DOK7: variants seen among roughly 807,000 people sequenced by gnomAD.
DOK7 encodes protein Dok-7.
In DOK7, 32 loss-of-function variants were observed where a neutral mutation model predicts 30.7. That is an observed-to-expected ratio of 1.04 (90% CI 0.79 to 1.40). DOK7 has a LOEUF of 1.40. DOK7 is among the 40% of genes most tolerant of loss of function. The pLI is 0.00. For synonymous variants in DOK7, 447 were observed against 324.1 expected, an observed-to-expected ratio of 1.38 and a Z score of -4.07; for missense variants, 1,007 against 699.2, an observed-to-expected ratio of 1.44 and a Z score of -4.97.
At chr4:3,476,852 G>A (rs946619421) in intron 4 of DOK7, among the ~76,000 whole-genome samples, 1 of 152,242 alleles carries the variant, frequency 6.6e-6, no homozygotes, top group African/African-American at 2.4e-5. Flanking sequence ...AGATTTCATG[G>A]AAAGGAAAAA....
chr4:3,500,679 AG>A (rs1440022650), intron 7 of DOK7: 1 of 1,535,824 alleles, frequency 6.5e-7, no homozygotes, highest in South Asian at 1.2e-5. Flanking sequence ...CGCTCACTAC[AG>A]AATTCTTTCA....
chr4:3,466,728 G>A (rs1024556798), intron 2 of DOK7, among the ~76,000 whole-genome samples: 76 of 152,286 alleles, frequency 5.0e-4, no homozygotes, highest in African/African-American at 1.8e-3. Context: ...CTGCGTCCTC[G>A]TCTACTCACA....
downstream of DOK7, chr4:3,496,926 A>G (rs1264211127): frequency 1.2e-6 from 1 of 801,288 alleles, no homozygotes; most frequent in African/African-American, 2.5e-5. Context: ...GGGTGGGCGC[A>G]GATGGCAGCC....
intron 4 of DOK7, among the ~76,000 whole-genome samples, chr4:3,477,988 A>G (rs936767931): frequency 6.6e-6 from 1 of 152,128 alleles, no homozygotes; most frequent in Non-Finnish European, 1.5e-5. Flanking sequence ...GGGTGGGCCC[A>G]GCGTCCCTGT....
chr4:3,499,672 A>AG (rs143200442), intron 6 of DOK7, among the ~76,000 whole-genome samples: 5 of 140,284 alleles, frequency 3.6e-5, no homozygotes, highest in African/African-American at 5.4e-5. Context: ...AGCTCCTATG[A>AG]GGGGGGAGAG....
At chr4:3,469,498 G>A (rs978661494) in intron 2 of DOK7, among the ~76,000 whole-genome samples, 8 of 152,166 alleles carry the variant, frequency 5.3e-5, no homozygotes, top group Non-Finnish European at 8.8e-5. Context: ...GAGCAGGGCC[G>A]ATGGTGCTTC....
chr4:3,474,407 C>T (rs563710820), intron 3 of DOK7, among the ~76,000 whole-genome samples: 246 of 152,266 alleles, frequency 1.6e-3, no homozygotes, highest in Non-Finnish European at 2.9e-3. Context: ...AGGCTGGGCA[C>T]GGTGGCTCAT....
At chr4:3,485,222 C>G (rs1727689868) in intron 4 of DOK7, 1 of 291,728 alleles carries the variant, frequency 3.4e-6, no homozygotes, top group Non-Finnish European at 6.3e-6. Flanking sequence ...TCCCCATGCC[C>G]TGTCGGCTGC....
At position 3,492,818 on chromosome 4, in the gene DOK7, AG is replaced by A; in HGVS notation, c.833del (p.Ser278ThrfsTer178). ...SEASHLDVSA[S>X]SRLTAWPEQS... The stretch of plus-strand genomic sequence containing the variant: ...GGCCAGTCACTTGGACGTCAGCGCC[AG>A]CAGCCGGCTCACCGCATGGCCAGAG... On this transcript the variant is annotated frameshift_variant, in exon 7 of 7. Coordinates refer to ENST00000340083, the MANE Select transcript of DOK7 (RefSeq NM_173660.5). LOFTEE classifies it low-confidence loss of function (END_TRUNC). The A allele has an allele frequency of 6.2e-7, 1 of 1,612,660 alleles. No individual in the cohort carries two copies. Among genetic ancestry groups the A allele is most frequent in the African/African-American group, 1.3e-5 (1 of 75,042 alleles).
At chr4:3,500,231 C>T (rs1446364732) in intron 6 of DOK7, 2 of 1,534,018 alleles carry the variant, frequency 1.3e-6, no homozygotes, top group Admixed American at 2.0e-5. Context: ...ACCGGGGCTT[C>T]ACAGCCGCTC....
In DOK7 at chr4:3,493,552, A is replaced by G. The variant is rs910763606; in HGVS notation, c.*51A>G. ...GCAAAGGGGCTGAATTTGCCCCCAGATGGCAGAGGAAGTGGCGCCAGCCTC... is the reference window on the plus strand; with the variant it reads ...GCAAAGGGGCTGAATTTGCCCCCAGGTGGCAGAGGAAGTGGCGCCAGCCTC... On this transcript the variant is annotated 3_prime_UTR_variant, in exon 7 of 7. Transcript: ENST00000340083. 10 of 1,591,896 alleles carry G rather than the reference A, an allele frequency of 6.3e-6. No individual in the cohort carries two copies. Among genetic ancestry groups the G allele is most frequent in the South Asian group, 2.3e-5 (2 of 88,408 alleles).
intron 4 of DOK7, among the ~76,000 whole-genome samples, chr4:3,483,560 C>T (rs1199085411): frequency 6.6e-6 from 1 of 152,200 alleles, no homozygotes; most frequent in East Asian, 1.9e-4. Flanking sequence ...GGCTGTGCTC[C>T]AGGCCTTGCC....
downstream of DOK7, among the ~76,000 whole-genome samples, chr4:3,499,243 A>G (rs1167243216): frequency 2.0e-5 from 3 of 152,108 alleles, no homozygotes; most frequent in Non-Finnish European, 4.4e-5. Flanking sequence ...GCTGGATCCC[A>G]GCCCCCACCT....
Position 3,473,464 on chromosome 4 carries a change from GCGCAGCAGCC to G in DOK7, c.160_169del (p.Arg54Ter). The stretch of plus-strand genomic sequence containing the variant: ...CGGAGCGTATCAAGGGCCTGCGGGA[GCGCAGCAGCC>G]TGACGCTAGAGGACATCTGCGGGCT... On this transcript the variant is annotated frameshift_variant, in exon 3 of 7. Transcript: ENST00000340083. LOFTEE classifies it high-confidence loss of function. 6.2e-7 allele frequency: 1 copy of G among 1,611,124 alleles called. No homozygotes were observed. The highest frequency in any genetic ancestry group is 8.5e-7 in the Non-Finnish European group (1 of 1,179,768).
intron 2 of DOK7, among the ~76,000 whole-genome samples, chr4:3,464,248 C>T (rs1170817348): frequency 6.6e-6 from 1 of 152,190 alleles, no homozygotes; most frequent in African/African-American, 2.4e-5. Flanking sequence ...GGCCTGTGTG[C>T]ATGGGGGGCT....
intron 5 of DOK7, among the ~76,000 whole-genome samples, chr4:3,487,559 C>T (rs535668339): frequency 6.6e-6 from 1 of 152,334 alleles, no homozygotes; most frequent in African/African-American, 2.4e-5. Context: ...GAGGGAAGGG[C>T]TCAGAGGTCT....
intron 6 of DOK7, among the ~76,000 whole-genome samples, chr4:3,492,091 G>A (rs1728503642): frequency 6.6e-6 from 1 of 152,212 alleles, no homozygotes; most frequent in Non-Finnish European, 1.5e-5. Context: ...GGAAGGCAGA[G>A]CAGGCAGCTT....
intron 6 of DOK7, among the ~76,000 whole-genome samples, chr4:3,499,631 G>A (rs933755309): frequency 2.0e-5 from 3 of 152,090 alleles, no homozygotes; most frequent in African/African-American, 7.2e-5. Flanking sequence ...AGAACCATCA[G>A]CTATTAGGAA....
Position 3,485,649 on chromosome 4 carries a change from G to A in DOK7, c.643G>A (p.Val215Ile). The change falls in exon 5 of 7, where the codon GTT becomes ATT. Residue 215 changes from valine to isoleucine, a missense_variant. By Grantham distance (29) the Val-to-Ile change is conservative. Transcript: ENST00000340083. ...CAAGGGCCCCTTTGGGCTGCGGCCG[G>A]TTCTACCAGGTGCGTGTGGGAGCCT... ...PTKGPFGLRP[V>I]LPDPSPPGPS... 1.3e-6 allele frequency: 2 copies of A among 1,594,058 alleles called. No individual in the cohort carries two copies. Among genetic ancestry groups the A allele is most frequent in the Non-Finnish European group, 1.7e-6 (2 of 1,169,466 alleles).
Sources: gnomAD v4.1 joint callset for allele counts (sites outside exome capture counted in the v4.1 genomes callset) on GRCh38, gnomAD v4.1.1 for gene constraint, MANE v1.5 for transcripts, NCBI Gene and HGNC (gene_info 2026-07-23, HGNC 2026-07-21) for gene names.